The following PRMT8 variants were observed in gnomAD, a reference collection of about 807,000 sequenced individuals.
PRMT8 encodes protein arginine N-methyltransferase 8.
Under a neutral mutation model 47.1 loss-of-function variants are expected in PRMT8, and 7 were observed. The observed-to-expected ratio is 0.15, with a 90% CI of 0.08 to 0.28. The LOEUF (loss-of-function observed/expected upper bound fraction) is 0.28. PRMT8 is among the 10% of genes least tolerant of loss of function. The pLI is 1.00. For missense variants in PRMT8, 237 were observed against 505.4 expected, an observed-to-expected ratio of 0.47 and a Z score of 5.09; for synonymous variants, 188 against 186.5, an observed-to-expected ratio of 1.01 and a Z score of -0.07.
chr12:3,411,959 G>A (rs1036379499), intron 1 of PRMT8, among the ~76,000 whole-genome samples: 1 of 152,178 alleles, frequency 6.6e-6, no homozygotes, highest in Non-Finnish European at 1.5e-5. Flanking sequence ...CCTAACCATG[G>A]GTTCCTCATT....
chr12:3,583,102 A>G lies in PRMT8; in HGVS notation c.873A>G (p.Thr291=). 1 of 1,614,144 alleles carries G rather than the reference A, an allele frequency of 6.2e-7. No individual in the cohort carries two copies. The highest frequency in any genetic ancestry group is 8.5e-7 in the Non-Finnish European group (1 of 1,180,022). Residue 291 remains threonine (T), a synonymous_variant, in exon 8 of 10, where the codon ACA becomes ACG. Coordinates refer to ENST00000382622, the MANE Select transcript of PRMT8 (RefSeq NM_019854.5). This position sits in a 1 kb window ranked among gnomAD's most constrained non-coding sequence, Gnocchi z 4.7. ...TGAAGACGGAAGAGCTATCGTTCAC[A>G]TCTGCATTCTGCCTGCAGATACAGC... ...YTVKTEELSF[T]SAFCLQIQRN...
intron 1 of PRMT8, among the ~76,000 whole-genome samples, chr12:3,505,382 G>C (rs1184823731): frequency 2.6e-5 from 4 of 152,208 alleles, no homozygotes; most frequent in African/African-American, 9.6e-5. Flanking sequence ...CAGAATAGTT[G>C]CAAGTCCGAG....
chr12:3,589,308 A>G (rs1867250109), intron 8 of PRMT8, among the ~76,000 whole-genome samples: 1 of 152,152 alleles, frequency 6.6e-6, no homozygotes. Context: ...TCCCTTTCTC[A>G]TCTCATCTCA....
intron 4 of PRMT8, among the ~76,000 whole-genome samples, chr12:3,554,429 C>T (rs1318996257): frequency 6.6e-6 from 1 of 152,246 alleles, no homozygotes; most frequent in Non-Finnish European, 1.5e-5. Context: ...ATCAGAAAGG[C>T]AGACAGGGCA....
In PRMT8 at chr12:3,482,096, C is replaced by T. The variant is rs1865279890; in HGVS notation, c.49-58510C>T. Among the ~76,000 whole-genome samples, 3 of 152,170 alleles carry T rather than the reference C, an allele frequency of 2.0e-5. No individual in the cohort carries two copies. The South Asian group carries it at 6.2e-4, about 32-fold the overall frequency. ...CTGAAGGAAAAGGGCAAGATTTGCT[C>T]AGAGCCCTCCAGTCACAAACTCTGA... On this transcript the variant is annotated intron_variant, in intron 1 of 9. Transcript: ENST00000452611.
At chr12:3,384,654 C>G (rs1287666647) in intron 1 of PRMT8, among the ~76,000 whole-genome samples, 13 of 151,898 alleles carry the variant, frequency 8.6e-5, no homozygotes, top group Non-Finnish European at 1.8e-4. Context: ...TTTTTAATCA[C>G]AAGGAAAATC....
At chr12:3,399,992 A>G (rs571970312) in intron 1 of PRMT8, among the ~76,000 whole-genome samples, 1 of 152,278 alleles carries the variant, frequency 6.6e-6, no homozygotes, top group Non-Finnish European at 1.5e-5. Context: ...AAATGCTCAT[A>G]ACTTTTGACC....
chr12:3,548,282 A>G (rs958831341), intron 2 of PRMT8, among the ~76,000 whole-genome samples: 1 of 152,220 alleles, frequency 6.6e-6, no homozygotes, highest in African/African-American at 2.4e-5. Flanking sequence ...GCAGACAAAG[A>G]TCAGACAGGG....
At chr12:3,560,359 C>G (rs146516573) in intron 4 of PRMT8, among the ~76,000 whole-genome samples, 2 of 152,214 alleles carry the variant, frequency 1.3e-5, no homozygotes, top group African/African-American at 4.8e-5. Context: ...GTACAGCTCC[C>G]GTGATGGAGT....
Position 3,491,526 on chromosome 12 carries a change from T to G in PRMT8, c.-100T>G. The G allele has an allele frequency of 3.5e-5, 32 of 912,270 alleles. No homozygotes were observed. The highest frequency in any genetic ancestry group is 4.6e-5 in the Non-Finnish European group (32 of 698,204). The allele number at this position is 912,270 out of a possible 1,614,324, so 56.5% of individuals were successfully genotyped here. ...GCTCCAGCTGAGGGGCTGGGTTGGA[T>G]TTTTTTTTTTCTCCCATCCTCTCGC... is the stretch of plus-strand genomic sequence containing the variant. On this transcript the variant is annotated 5_prime_UTR_variant, in exon 1 of 10. Coordinates refer to ENST00000382622, the MANE Select transcript of PRMT8 (RefSeq NM_019854.5).
intron 1 of PRMT8, among the ~76,000 whole-genome samples, chr12:3,389,646 G>A (rs574913803): frequency 6.6e-5 from 10 of 152,262 alleles, no homozygotes; most frequent in Middle Eastern, 3.4e-3. Context: ...CACCATGATC[G>A]GATGTGCTAA....
At chr12:3,588,240 A>G (rs962807081) in intron 8 of PRMT8, among the ~76,000 whole-genome samples, 3 of 152,204 alleles carry the variant, frequency 2.0e-5, no homozygotes, top group African/African-American at 7.2e-5. Flanking sequence ...TCCCACATTA[A>G]AGAAGCTTCT....
intron 1 of PRMT8, among the ~76,000 whole-genome samples, chr12:3,412,578 T>A (rs1864441871): frequency 6.6e-6 from 1 of 152,258 alleles, no homozygotes; most frequent in Admixed American, 6.5e-5. Flanking sequence ...TTTCCTTTTT[T>A]ATATCTTATT....
chr12:3,391,818 T>C (rs2137045898), intron 1 of PRMT8, among the ~76,000 whole-genome samples: 1 of 152,206 alleles, frequency 6.6e-6, no homozygotes, highest in East Asian at 1.9e-4. Context: ...ACATGAAAAA[T>C]GCAGAACCAG....
At chr12:3,506,417 G>A (rs1489321424) in intron 1 of PRMT8, among the ~76,000 whole-genome samples, 1 of 152,162 alleles carries the variant, frequency 6.6e-6, no homozygotes, top group Non-Finnish European at 1.5e-5. Flanking sequence ...AACAGTTGAG[G>A]GAAGGCACCT....
chr12:3,421,289 A>G (rs1367563524), intron 1 of PRMT8, among the ~76,000 whole-genome samples: 1 of 152,162 alleles, frequency 6.6e-6, no homozygotes. Flanking sequence ...GGACAGAAGG[A>G]CACTCCTGCA....
At chr12:3,541,093 C>T (rs1357022031) in intron 2 of PRMT8, among the ~76,000 whole-genome samples, 1 of 152,224 alleles carries the variant, frequency 6.6e-6, no homozygotes, top group African/African-American at 2.4e-5. Context: ...CAGCCATAAA[C>T]CCAGCTCATC....
chr12:3,507,766 T>C (rs941482812), intron 1 of PRMT8, among the ~76,000 whole-genome samples: 3 of 151,050 alleles, frequency 2.0e-5, no homozygotes, highest in Non-Finnish European at 4.4e-5. Flanking sequence ...TTCTTTTTTT[T>C]TTTTTTTTTT....
chr12:3,586,448 C>T (rs1057399191), intron 8 of PRMT8, among the ~76,000 whole-genome samples: 45 of 152,296 alleles, frequency 3.0e-4, no homozygotes, highest in African/African-American at 1.1e-3. Flanking sequence ...TAGTGTTATG[C>T]CTCCTCCCTT....
Sources: gnomAD v4.1 joint callset for allele counts (sites outside exome capture counted in the v4.1 genomes callset) on GRCh38, gnomAD v4.1.1 for gene constraint, Gnocchi (gnomAD v3.1) non-coding constraint, MANE v1.5 for transcripts, NCBI Gene and HGNC (gene_info 2026-07-23, HGNC 2026-07-21) for gene names.